The following COL6A5 variants were observed in gnomAD, a reference collection of about 807,000 sequenced individuals.
The protein encoded by COL6A5 is collagen type VI alpha 5 chain, also known as collagen alpha-5(VI) chain.
In COL6A5, 48 loss-of-function variants were observed where a neutral mutation model predicts 65.6. That is an observed-to-expected ratio of 0.73 (90% confidence interval 0.58 to 0.93). COL6A5 has a LOEUF of 0.93. COL6A5 is among the 40% of genes least tolerant of loss of function. The pLI, the probability that COL6A5 is intolerant of heterozygous loss-of-function variation, is 0.00. For synonymous variants in COL6A5, 291 were observed against 322.8 expected (o/e 0.90, Z 1.05); for missense variants, 914 against 928.3 (o/e 0.98, Z 0.20).
At chr3:130,419,426 T>G in intron 25 of COL6A5, among the ~76,000 whole-genome samples, 1 of 152,116 alleles carries the variant, frequency 6.6e-6, no homozygotes, top group East Asian at 1.9e-4. Flanking sequence ...AAATTAATGT[T>G]TATTACAAAC....
intron 1 of COL6A5, among the ~76,000 whole-genome samples, chr3:130,371,475 A>G (rs1207023040): frequency 6.6e-6 from 1 of 152,216 alleles, no homozygotes; most frequent in Non-Finnish European, 1.5e-5. Context: ...AAGGACAGAA[A>G]TATAGATGAA....
intron 6 of COL6A5, 28 bp from the exon 39 acceptor site, chr3:130,470,843 T>G (rs1559920169): frequency 6.5e-7 from 1 of 1,546,090 alleles, no homozygotes; most frequent in Non-Finnish European, 8.9e-7. Flanking sequence ...GGGTAAAATT[T>G]AGACTAACCA....
exon 19 of COL6A5, chr3:130,410,030 A>G: frequency 6.5e-7 from 1 of 1,549,662 alleles, no homozygotes; most frequent in Non-Finnish European, 8.7e-7. Context: ...ACAAAACAAT[A>G]ACATCAAAGG....
At chr3:130,475,220 AT>A (rs1710064413) in intron 7 of COL6A5, among the ~76,000 whole-genome samples, 2 of 151,862 alleles carry the variant, frequency 1.3e-5, no homozygotes, top group Admixed American at 6.6e-5. Context: ...TGCAGAAAAA[AT>A]ATTTTAGGAA....
chr3:130,425,374 C>T (rs1211565123), intron 29 of COL6A5, among the ~76,000 whole-genome samples: 1 of 152,106 alleles, frequency 6.6e-6, no homozygotes, highest in East Asian at 1.9e-4. Context: ...GGTTGAACCT[C>T]TGAGGGAGTC....
At chr3:130,445,570 G>C (rs1319734160) in intron 4 of COL6A5, among the ~76,000 whole-genome samples, 1 of 152,140 alleles carries the variant, frequency 6.6e-6, no homozygotes, top group Non-Finnish European at 1.5e-5. Context: ...AGACAGAATA[G>C]TTTTCCCTTC....
intron 18 of COL6A5, 45 bp from the exon 19 acceptor site, chr3:130,409,964 C>A: frequency 7.5e-7 from 1 of 1,332,252 alleles, no homozygotes; most frequent in Non-Finnish European, 1.1e-6. Flanking sequence ...GGGGAAAAAG[C>A]TGATATTTCT....
Position 130,449,207 on chromosome 3 carries a change from G to A in COL6A5, c.1332+5641G>A, listed in dbSNP as rs188974897. ...GTAAAGGGATAGGATTCGGAGGCGT[G>A]GCAGCGGCCGCCACTAAAAAGGATA... On this transcript the variant is annotated intron_variant, in intron 4 of 7. Transcript: ENST00000512836. Among the ~76,000 whole-genome samples, 836 of 152,266 alleles carry A rather than the reference G, an allele frequency of 5.5e-3. 5 individuals are homozygous for A. Among genetic ancestry groups the A allele is most frequent in the African/African-American group, 0.019 (808 of 41,574 alleles).
At chr3:130,454,445 T>C (rs1473478874) in intron 4 of COL6A5, among the ~76,000 whole-genome samples, 2 of 152,196 alleles carry the variant, frequency 1.3e-5, no homozygotes, top group Non-Finnish European at 1.5e-5. Context: ...ATTATTTATG[T>C]ATTACATCTG....
At chr3:130,481,963 A>G (rs1187128335) in intron 7 of COL6A5, among the ~76,000 whole-genome samples, 1 of 152,150 alleles carries the variant, frequency 6.6e-6, no homozygotes, top group African/African-American at 2.4e-5. Flanking sequence ...TCAGATGGAT[A>G]GATTGCAAAA....
intron 1 of COL6A5, among the ~76,000 whole-genome samples, chr3:130,368,813 C>T (rs1935442832): frequency 6.6e-6 from 1 of 152,110 alleles, no homozygotes; most frequent in Non-Finnish European, 1.5e-5. Context: ...GAAAATAAGG[C>T]TAAATAATTA....
exon 17 of COL6A5, chr3:130,406,278 G>A: frequency 6.4e-7 from 1 of 1,550,698 alleles, no homozygotes; most frequent in Non-Finnish European, 8.7e-7. Context: ...GGCTGTCATG[G>A]ATTTCCTGGA....
intron 1 of COL6A5, among the ~76,000 whole-genome samples, chr3:130,438,928 C>T (rs533349260): frequency 6.6e-6 from 1 of 152,092 alleles, no homozygotes; most frequent in African/African-American, 2.4e-5. Context: ...AGTGTACCAC[C>T]AGGAATTTTG....
At chr3:130,434,157 A>G (rs1468922010) in intron 1 of COL6A5, among the ~76,000 whole-genome samples, 1 of 152,098 alleles carries the variant, frequency 6.6e-6, no homozygotes, top group Non-Finnish European at 1.5e-5. Flanking sequence ...CTCAACATTC[A>G]ACTCCCAATT....
At position 130,401,746 on chromosome 3, in the gene COL6A5, A is replaced by C. The variant is rs777029868; in HGVS notation, c.4135-16A>C. 4 of 1,536,632 alleles carry C rather than the reference A, an allele frequency of 2.6e-6. No homozygotes were observed. The South Asian group carries it at 3.6e-5, about 14-fold the overall frequency. ...TGACAATTGCTATTCCCTCAGCTTT[A>C]CTTTTTTTCCCCCAGGGAAATATTG... On this transcript the variant is annotated splice_polypyrimidine_tract_variant and intron_variant and NMD_transcript_variant, in intron 11 of 41. Coordinates refer to the COL6A5 transcript ENST00000312481.
At chr3:130,358,108 G>A (rs992766618) in intron 1 of COL6A5, among the ~76,000 whole-genome samples, 50 of 152,186 alleles carry the variant, frequency 3.3e-4, no homozygotes, top group Admixed American at 2.0e-4. Context: ...AGAATGGCGT[G>A]AACCTGGGAG....
At chr3:130,368,978 T>C (rs575201401) in intron 1 of COL6A5, among the ~76,000 whole-genome samples, 1 of 152,226 alleles carries the variant, frequency 6.6e-6, no homozygotes, top group Admixed American at 6.5e-5. Flanking sequence ...TGGGAGTGCA[T>C]GGATGGTGCA....
At chr3:130,406,383 T>C in intron 17 of COL6A5, 62 bp downstream of exon 17, 1 of 1,291,994 alleles carries the variant, frequency 7.7e-7, no homozygotes, top group Non-Finnish European at 1.1e-6. Context: ...CAGTCTTAAC[T>C]GCTGTGTGTC....
chr3:130,458,552 G>A (rs1278285505), intron 5 of COL6A5, among the ~76,000 whole-genome samples: 2 of 152,134 alleles, frequency 1.3e-5, no homozygotes, highest in Non-Finnish European at 2.9e-5. Flanking sequence ...AGGTGATTCT[G>A]ATGTAGGCAG....
Sources: allele counts gnomAD v4.1 joint callset (sites outside exome capture counted in the v4.1 genomes callset), GRCh38; gene constraint gnomAD v4.1.1; transcripts MANE v1.5; gene names NCBI Gene and HGNC (gene_info 2026-07-23, HGNC 2026-07-21).